The following EYS variants were observed in gnomAD, a reference collection of about 807,000 sequenced individuals.
EYS encodes the protein protein eyes shut homolog.
A neutral mutation model predicts 282.1 loss-of-function variants in EYS; 250 were observed. That is an observed-to-expected ratio of 0.89 (90% confidence interval 0.80 to 0.98). The LOEUF (loss-of-function observed/expected upper bound fraction) is 0.98. EYS is among the 50% of genes least tolerant of loss of function. The probability of loss-of-function intolerance (pLI) is 0.00; values close to 1 mark genes in which losing one functional copy is unlikely to be tolerated. For synonymous variants in EYS, 1,355 were observed against 1,282.9 expected (o/e 1.06, Z -1.20); for missense variants, 4,016 against 3,709.0 (o/e 1.08, Z -2.15).
chr6:64,185,822 C>T (rs1210352124), intron 31 of EYS, among the ~76,000 whole-genome samples: 1 of 152,086 alleles, frequency 6.6e-6, no homozygotes, highest in Non-Finnish European at 1.5e-5. Flanking sequence ...GAGCTACTTC[C>T]AGATGTGCTA....
chr6:65,663,385 A>G (rs1768073907), intron 1 of EYS, among the ~76,000 whole-genome samples: 1 of 152,200 alleles, frequency 6.6e-6, no homozygotes, highest in Non-Finnish European at 1.5e-5. Context: ...GAAAAATAAG[A>G]GTAGAGTGTC....
chr6:65,254,768 T>C (rs191566722), intron 12 of EYS, among the ~76,000 whole-genome samples: 1 of 151,884 alleles, frequency 6.6e-6, no homozygotes, highest in African/African-American at 2.4e-5. Flanking sequence ...TTTATTTTCA[T>C]ATGAAATCAA....
chr6:65,686,428 T>C (rs957951109), intron 1 of EYS, among the ~76,000 whole-genome samples: 1 of 152,104 alleles, frequency 6.6e-6, no homozygotes, highest in African/African-American at 2.4e-5. Context: ...CTCCAATGGC[T>C]CCTTGATCAT....
At chr6:64,756,211 A>G (rs1479799811) in intron 22 of EYS, among the ~76,000 whole-genome samples, 1 of 152,192 alleles carries the variant, frequency 6.6e-6, no homozygotes, top group African/African-American at 2.4e-5. Flanking sequence ...CCAATTCCAT[A>G]TAGTTATTTT....
chr6:64,625,884 T>TA (rs1293385421), intron 23 of EYS, among the ~76,000 whole-genome samples: 1 of 152,200 alleles, frequency 6.6e-6, no homozygotes, highest in Non-Finnish European at 1.5e-5. Context: ...AATAAGGTAT[T>TA]ACACTCTAAA....
At chr6:65,625,960 T>G (rs1034497787) in intron 2 of EYS, among the ~76,000 whole-genome samples, 1 of 152,196 alleles carries the variant, frequency 6.6e-6, no homozygotes, top group Non-Finnish European at 1.5e-5. Context: ...TACTGAACTT[T>G]CCTGTGGATG....
rs35707502 is a variant in EYS at position 65,370,256 on chromosome 6, CT to C, written c.1299+14129del. Among the ~76,000 whole-genome samples the C allele has an allele frequency of 5.3e-3, 672 of 127,074 alleles. 5 individuals carry two copies. The highest frequency in any genetic ancestry group is 7.8e-3 in the African/African-American group (262 of 33,720). The allele number at this position is 127,074 out of a possible 152,430, so 83.4% of individuals were successfully genotyped here. A position where few individuals can be genotyped will look rare whatever the true frequency, so the allele number is the denominator to read the frequency against. ...CCTTTCTATTTCTTTCTTTCTCTCT[CT>C]TTTTTTTTTTTTTTTGAAACAGGAT... On this transcript the variant is annotated intron_variant, in intron 8 of 42. Transcript: ENST00000503581.
intron 26 of EYS, among the ~76,000 whole-genome samples, chr6:64,447,414 T>C (rs536334019): frequency 1.3e-5 from 2 of 152,072 alleles, no homozygotes; most frequent in African/African-American, 4.8e-5. Context: ...ACTTAGTATA[T>C]GATAGGTTTT....
intron 22 of EYS, among the ~76,000 whole-genome samples, chr6:64,762,167 A>G (rs1031703941): frequency 5.9e-5 from 9 of 152,222 alleles, no homozygotes; most frequent in African/African-American, 1.7e-4. Context: ...TACTCCATAG[A>G]CCATATAAAA....
At chr6:64,835,500 T>G (rs2023578) in intron 19 of EYS, among the ~76,000 whole-genome samples, 86,762 of 151,350 alleles carry the variant, frequency 0.57, 25,374 homozygotes, top group Non-Finnish European at 0.62. Context: ...CTTGTGGCAA[T>G]ATTTTAATAC....
At chr6:64,229,134 G>T (rs1055828798) in intron 31 of EYS, among the ~76,000 whole-genome samples, 1 of 152,114 alleles carries the variant, frequency 6.6e-6, no homozygotes, top group African/African-American at 2.4e-5. Context: ...AGTTAGCTGG[G>T]TGTGGTGGCT....
chr6:63,884,049 G>A (rs1168267661), intron 35 of EYS, among the ~76,000 whole-genome samples: 1 of 152,074 alleles, frequency 6.6e-6, no homozygotes, highest in Non-Finnish European at 1.5e-5. Flanking sequence ...AGAATTATAA[G>A]CTCCAGGAGA....
intron 22 of EYS, among the ~76,000 whole-genome samples, chr6:64,676,815 C>A (rs1769704813): frequency 6.6e-6 from 1 of 152,110 alleles, no homozygotes; most frequent in African/African-American, 2.4e-5. Context: ...TCTCTCTGGT[C>A]TTTCATAGCA....
At chr6:63,818,771 A>G (rs1273486849) in intron 36 of EYS, among the ~76,000 whole-genome samples, 1 of 152,258 alleles carries the variant, frequency 6.6e-6, no homozygotes, top group East Asian at 1.9e-4. Context: ...GCCAATCTAC[A>G]GAGAGCCCTC....
intron 33 of EYS, among the ~76,000 whole-genome samples, chr6:64,041,762 T>G (rs1770400773): frequency 6.6e-6 from 1 of 152,230 alleles, no homozygotes; most frequent in Non-Finnish European, 1.5e-5. Flanking sequence ...TTTTCGTTAT[T>G]TTGAAATTTT....
chr6:64,050,266 C>T (rs1441944176), intron 33 of EYS, among the ~76,000 whole-genome samples: 3 of 151,944 alleles, frequency 2.0e-5, no homozygotes, highest in Non-Finnish European at 4.4e-5. Flanking sequence ...TTATTGAATC[C>T]CTCCCACCCC....
chr6:65,314,561 G>GGTGT (rs4032795), intron 11 of EYS, among the ~76,000 whole-genome samples: 4,339 of 105,750 alleles, frequency 0.041, 122 homozygotes, highest in African/African-American at 0.065. Context: ...TTCCCCTTAT[G>GGTGT]GTGTGTGTGT....
intron 23 of EYS, among the ~76,000 whole-genome samples, chr6:64,619,616 T>C (rs1767382151): frequency 6.6e-6 from 1 of 152,150 alleles, no homozygotes; most frequent in Admixed American, 6.6e-5. Flanking sequence ...GCACTATTTG[T>C]CTCGTTCCAG....
intron 26 of EYS, among the ~76,000 whole-genome samples, chr6:64,548,328 G>C (rs758524539): frequency 1.2e-4 from 18 of 152,160 alleles, no homozygotes; most frequent in Non-Finnish European, 4.4e-5. Context: ...ACATTACTGG[G>C]TATATACCCA....
Sources: allele counts gnomAD v4.1 joint callset (sites outside exome capture counted in the v4.1 genomes callset), GRCh38; gene constraint gnomAD v4.1.1; transcripts MANE v1.5; gene names NCBI Gene and HGNC (gene_info 2026-07-23, HGNC 2026-07-21).